TIGIT: variants seen among roughly 807,000 people sequenced by gnomAD.
TIGIT encodes T cell immunoreceptor with Ig and ITIM domains.
TIGIT carries 11 observed loss-of-function variants against 19.6 expected under a neutral mutation model. The observed-to-expected ratio is 0.56, with a 90% CI of 0.35 to 0.93. The LOEUF (loss-of-function observed/expected upper bound fraction) is 0.93, where lower values mean the gene tolerates loss of function less well. Among genes scored for constraint, TIGIT ranks in the 40% least tolerant of loss-of-function variants. TIGIT has a pLI of 0.01. For missense variants in TIGIT, 295 were observed against 303.9 expected (o/e 0.97, Z 0.22); for synonymous variants, 130 against 125.5 (o/e 1.04, Z -0.24).
At chr3:114,297,537 C>G (rs527539269) in intron 2 of TIGIT, among the ~76,000 whole-genome samples, 38 of 152,246 alleles carry the variant, frequency 2.5e-4, no homozygotes, top group Admixed American at 7.8e-4. Context: ...TGCCAGAGGA[C>G]CCATCACCAG....
intron 3 of TIGIT, among the ~76,000 whole-genome samples, chr3:114,301,117 C>G (rs1362423880): frequency 6.6e-6 from 1 of 152,178 alleles, no homozygotes; most frequent in Non-Finnish European, 1.5e-5. Flanking sequence ...AGAATTTCCA[C>G]TCCTTGTTTT....
Position 114,308,787 on chromosome 3 carries a change from T to G in TIGIT, c.*656T>G, listed in dbSNP as rs1443207935. ...TAGGCTTATCTGTGATGAAGTGGCC[T>G]GGGAGCACCAAGGGGATGTTGAGGC... On this transcript the variant is annotated 3_prime_UTR_variant, in exon 4 of 4. Coordinates refer to ENST00000383671, the MANE Select transcript of TIGIT (RefSeq NM_173799.4). 4 of 152,338 alleles carry G rather than the reference T, an allele frequency of 2.6e-5. No individual in the cohort carries two copies. Among genetic ancestry groups the G allele is most frequent in the African/African-American group, 9.7e-5 (4 of 41,434 alleles). The allele number at this position is 152,338 out of a possible 1,614,324, so 9.4% of individuals were successfully genotyped here.
rs908816173 is a variant in TIGIT at position 114,309,896 on chromosome 3, C to T, written c.*1765C>T. 1.3e-5 allele frequency: 2 copies of T among 152,044 alleles called. No homozygotes were observed. Among genetic ancestry groups the T allele is most frequent in the East Asian group, 3.8e-4 (2 of 5,196 alleles). The allele number at this position is 152,044 out of a possible 1,614,324, so 9.4% of individuals were successfully genotyped here. ...GGTAATTGGGAAACATTTATAAACACTATTGGGATGGTGATAAAATACAAA... is the reference window on the plus strand; with the variant it reads ...GGTAATTGGGAAACATTTATAAACATTATTGGGATGGTGATAAAATACAAA... On this transcript the variant is annotated 3_prime_UTR_variant, in exon 4 of 4. Transcript: ENST00000383671.
Position 114,309,982 on chromosome 3 carries a change from T to C in TIGIT, c.*1851T>C, listed in dbSNP as rs910407341. On this transcript the variant is annotated 3_prime_UTR_variant, in exon 4 of 4. Transcript: ENST00000383671. ...GAAATGGGATTCAATTTGAAAAAAA[T>C]TTTTTTAAATAGAACTCACTGAACT... is the stretch of plus-strand genomic sequence containing the variant. 1 of 152,082 alleles carries C rather than the reference T, an allele frequency of 6.6e-6. No individual in the cohort carries two copies. Among genetic ancestry groups the C allele is most frequent in the Non-Finnish European group, 1.5e-5 (1 of 68,016 alleles). 9.4% of individuals were successfully genotyped at this position (152,082 alleles called of 1,614,324 possible).
chr3:114,302,727 C>G (rs931101867), intron 3 of TIGIT, among the ~76,000 whole-genome samples: 1 of 152,236 alleles, frequency 6.6e-6, no homozygotes, highest in Non-Finnish European at 1.5e-5. Context: ...GATGCTGGAG[C>G]TCCCCTAGCA....
intron 2 of TIGIT, among the ~76,000 whole-genome samples, chr3:114,298,971 T>C (rs1300367296): frequency 6.6e-6 from 1 of 152,334 alleles, no homozygotes; most frequent in East Asian, 1.9e-4. Flanking sequence ...TCCACTTACA[T>C]GTTATCTCTT....
chr3:114,309,697 G>C lies in TIGIT; in HGVS notation c.*1566G>C, dbSNP rs550619027. 1 of 152,326 alleles carries C rather than the reference G, an allele frequency of 6.6e-6. No individual in the cohort carries two copies. Among genetic ancestry groups the C allele is most frequent in the South Asian group, 2.1e-4 (1 of 4,832 alleles). 9.4% of individuals were successfully genotyped at this position (152,326 alleles called of 1,614,324 possible). A position where few individuals can be genotyped will look rare whatever the true frequency, so the allele number is the denominator to read the frequency against. On this transcript the variant is annotated 3_prime_UTR_variant, in exon 4 of 4. Transcript: ENST00000383671. ...AAAAATGTTGTTGTTTGCTGTGGCAGTTTACAGCATTTTTCTTGCAAAATT... is the reference window on the plus strand; with the variant it reads ...AAAAATGTTGTTGTTTGCTGTGGCACTTTACAGCATTTTTCTTGCAAAATT...
chr3:114,301,014 T>A (rs1560032781), intron 3 of TIGIT, among the ~76,000 whole-genome samples: 1 of 152,208 alleles, frequency 6.6e-6, no homozygotes, highest in East Asian at 1.9e-4. Flanking sequence ...GATGAACAAG[T>A]GGCATATTTC....
chr3:114,294,895 AG>A (rs2078443155), intron 1 of TIGIT: 1 of 152,788 alleles, frequency 6.5e-6, no homozygotes, highest in South Asian at 2.1e-4. Flanking sequence ...ACTAGGCCGC[AG>A]GAAGAAACAT....
intron 3 of TIGIT, among the ~76,000 whole-genome samples, chr3:114,305,888 A>AGAT (rs1188199563): frequency 2.6e-5 from 4 of 151,724 alleles, no homozygotes; most frequent in Non-Finnish European, 5.9e-5. Context: ...ATAGATAGAT[A>AGAT]GATAGATAGA....
intron 3 of TIGIT, among the ~76,000 whole-genome samples, chr3:114,305,294 A>G (rs2078525637): frequency 6.6e-6 from 1 of 152,188 alleles, no homozygotes; most frequent in Non-Finnish European, 1.5e-5. Context: ...GCCATCTAGC[A>G]GGTGAATGAT....
intron 2 of TIGIT, among the ~76,000 whole-genome samples, chr3:114,296,275 A>G (rs1330006782): frequency 6.6e-6 from 1 of 152,260 alleles, no homozygotes; most frequent in Non-Finnish European, 1.5e-5. Context: ...CTGGTTAAAA[A>G]CATAGCCTGT....
chr3:114,302,166 CCTCAT>C (rs1190651659), intron 3 of TIGIT, among the ~76,000 whole-genome samples: 2 of 152,180 alleles, frequency 1.3e-5, no homozygotes, highest in African/African-American at 4.8e-5. Flanking sequence ...AACTACATAC[CCTCAT>C]CTCATTCCTC....
At chr3:114,303,493 G>GTA (rs1371220227) in intron 3 of TIGIT, among the ~76,000 whole-genome samples, 12 of 120,696 alleles carry the variant, frequency 9.9e-5, no homozygotes, top group South Asian at 5.5e-4. Flanking sequence ...TCCATGGTGT[G>GTA]TATATATATA....
At position 114,295,736 on chromosome 3, in the gene TIGIT, G is replaced by A; in HGVS notation, c.253G>A (p.Val85Met). The change falls in exon 2 of 4, where the codon GTG (valine) becomes ATG (methionine). Residue 85 changes from valine to methionine, a missense_variant. By Grantham distance (21) the Val-to-Met change is conservative. Coordinates refer to ENST00000383671, the MANE Select transcript of TIGIT (RefSeq NM_173799.4). ...CATCTCCCCATCCTTCAAGGATCGA[G>A]TGGCCCCAGGTCCCGGCCTGGGCCT... is the stretch of plus-strand genomic sequence containing the variant. ...WHISPSFKDR[V>M]APGPGLGLTL... is the part of the protein sequence containing the mutation. 5 of 1,614,216 alleles carry A rather than the reference G, an allele frequency of 3.1e-6. No individual in the cohort carries two copies. The highest frequency in any genetic ancestry group is 4.2e-6 in the Non-Finnish European group (5 of 1,180,040).
Position 114,309,318 on chromosome 3 carries a change from A to C in TIGIT, c.*1187A>C, listed in dbSNP as rs769875043. ...TAACTGAACCGCTTATTTCTGTTTA[A>C]TTGCATTCAGGCTGGATCTTAGAAG... On this transcript the variant is annotated 3_prime_UTR_variant, in exon 4 of 4. Coordinates refer to ENST00000383671, the MANE Select transcript of TIGIT (RefSeq NM_173799.4). 1 of 152,148 alleles carries C rather than the reference A, an allele frequency of 6.6e-6. No homozygotes were observed. The highest frequency in any genetic ancestry group is 2.4e-5 in the African/African-American group (1 of 41,432). The allele number at this position is 152,148 out of a possible 1,614,324, so 9.4% of individuals were successfully genotyped here. A position where few individuals can be genotyped will look rare whatever the true frequency, so the allele number is the denominator to read the frequency against.
Position 114,309,795 on chromosome 3 carries a change from G to GT in TIGIT, c.*1665dup, listed in dbSNP as rs1417856689. 3 of 152,208 alleles carry GT rather than the reference G, an allele frequency of 2.0e-5. No homozygotes were observed. Among genetic ancestry groups the GT allele is most frequent in the African/African-American group, 4.8e-5 (2 of 41,454 alleles). 9.4% of individuals were successfully genotyped at this position (152,208 alleles called of 1,614,324 possible). ...ACTAAAATGTAATGACGAAAAGGGA[G>GT]TAGTGTTTTGATTTGGAGGAGGTGT... is the stretch of plus-strand genomic sequence containing the variant. On this transcript the variant is annotated 3_prime_UTR_variant, in exon 4 of 4. Transcript: ENST00000383671.
chr3:114,294,240 G>T, intron 1 of TIGIT, 118 bp downstream of exon 1: 3 of 746,092 alleles, frequency 4.0e-6, no homozygotes, highest in Non-Finnish European at 6.6e-6. Flanking sequence ...TTGAGAGAAA[G>T]AAATTGCAAC....
intron 3 of TIGIT, 95 bp from the exon 4 acceptor site, chr3:114,307,800 C>A: frequency 1.8e-6 from 2 of 1,107,894 alleles, no homozygotes; most frequent in Non-Finnish European, 2.7e-6. Flanking sequence ...TGCTGGTGTG[C>A]ATGTGTGTAA....
Sources: allele counts gnomAD v4.1 joint callset (sites outside exome capture counted in the v4.1 genomes callset), GRCh38; gene constraint gnomAD v4.1.1; transcripts MANE v1.5; gene names NCBI Gene and HGNC (gene_info 2026-07-23, HGNC 2026-07-21).